INPP5B: variants seen among roughly 807,000 people sequenced by gnomAD.
The protein encoded by INPP5B is inositol polyphosphate-5-phosphatase B, also known as type II inositol 1,4,5-trisphosphate 5-phosphatase.
Under a neutral mutation model 118.5 loss-of-function variants are expected in INPP5B, and 90 were observed. The observed-to-expected ratio is 0.76, with a 90% CI of 0.64 to 0.90. INPP5B has a LOEUF of 0.90. Among genes scored for constraint, INPP5B ranks in the 40% least tolerant of loss-of-function variants. The pLI is 0.00. For synonymous variants in INPP5B, 385 were observed against 418.9 expected (o/e 0.92, Z 0.99); for missense variants, 984 against 1,125.6 (o/e 0.87, Z 1.80).
chr1:37,908,594 AAAAG>A (rs1001966010), intron 7 of INPP5B, among the ~76,000 whole-genome samples: 1 of 152,114 alleles, frequency 6.6e-6, no homozygotes, highest in African/African-American at 2.4e-5. Context: ...AAAAAAAAAA[AAAAG>A]AGACAAGGAG....
intron 18 of INPP5B, chr1:37,873,431 A>G (rs1642593788): frequency 2.2e-6 from 1 of 456,234 alleles, no homozygotes; most frequent in African/African-American, 2.0e-5. Flanking sequence ...GCACAGCTCA[A>G]GCTAGAAATA....
In INPP5B at chr1:37,941,749, T is replaced by C. The variant is rs1412914639; in HGVS notation, c.281-951A>G. 5.6e-5 allele frequency among the ~76,000 whole-genome samples: 8 copies of C among 142,874 alleles called. No homozygotes were observed. The East Asian group carries it at 6.4e-4, about 11-fold the overall frequency. 93.7% of individuals were successfully genotyped at this position (142,874 alleles called of 152,430 possible). A position where few individuals can be genotyped will look rare whatever the true frequency, so the allele number is the denominator to read the frequency against. ...GTCAGGAGATCGAGACCATCCTGGC[T>C]AACACGGTGAAACCCCGTCTCTACT... is the stretch of plus-strand genomic sequence containing the variant. On this transcript the variant is annotated intron_variant, in intron 5 of 23. Transcript: ENST00000373024.
Position 37,943,888 on chromosome 1 carries a change from A to G in INPP5B, c.158T>C (p.Phe53Ser), listed in dbSNP as rs1646027198. The change falls in exon 4 of 24, where the codon TTC becomes TCC. Residue 53 changes from phenylalanine (F) to serine (S), a missense_variant. This residue lies in a region of INPP5B where 350 missense variants were observed against 334.6 expected (regional missense o/e 1.05). Coordinates refer to ENST00000373024, the MANE Select transcript of INPP5B (RefSeq NM_005540.3). ...GGCCATCCTCCGGTGCGTATAGAGGAAGAGACTAAGGGCAGGAAGCAGAGG... is the reference window on the plus strand; with the variant it reads ...GGCCATCCTCCGGTGCGTATAGAGGGAGAGACTAAGGGCAGGAAGCAGAGG... ...LEHGGQEHAL[F>S]LYTHRRMAIT... is the part of the protein sequence containing the mutation. The G allele has an allele frequency of 6.2e-7, 1 of 1,612,892 alleles. No individual in the cohort carries two copies. Among genetic ancestry groups the G allele is most frequent in the African/African-American group, 1.3e-5 (1 of 74,964 alleles).
chr1:37,941,478 C>G (rs1645906902), intron 5 of INPP5B, among the ~76,000 whole-genome samples: 1 of 151,510 alleles, frequency 6.6e-6, no homozygotes, highest in South Asian at 2.1e-4. Context: ...TGAGACACCA[C>G]CCCCCGCCAC....
rs1643100114 is a variant in INPP5B at position 37,880,087 on chromosome 1, G to A, written c.1539C>T (p.Thr513=). The change falls in exon 15 of 24, where the codon ACC becomes ACT. Residue 513 remains threonine (T), a splice_region_variant and synonymous_variant. Coordinates refer to ENST00000373024, the MANE Select transcript of INPP5B (RefSeq NM_005540.3). ...KYDTGSDDWD[T]SEKCRAPAWC... is the part of the protein sequence containing the mutation. ...CTTTGAAGCAACCTCTGACCTACCT[G>A]GTATCCCAGTCGTCAGAGCCCGTAT... 1 of 1,601,352 alleles carries A rather than the reference G, an allele frequency of 6.2e-7. No individual in the cohort carries two copies. The highest frequency in any genetic ancestry group is 8.5e-7 in the Non-Finnish European group (1 of 1,170,380).
intron 6 of INPP5B, among the ~76,000 whole-genome samples, chr1:37,939,126 G>A (rs532806064): frequency 1.1e-4 from 16 of 151,450 alleles, no homozygotes; most frequent in Admixed American, 4.0e-4. Context: ...CCCAGGAGGC[G>A]GAGGTTGCAG....
chr1:37,872,763 A>G (rs570785937), intron 19 of INPP5B, among the ~76,000 whole-genome samples, 167 bp downstream of exon 19: 1 of 151,962 alleles, frequency 6.6e-6, no homozygotes, highest in South Asian at 2.1e-4. Context: ...AAAACTACTA[A>G]AATTTCAGGA....
intron 7 of INPP5B, among the ~76,000 whole-genome samples, chr1:37,897,687 C>A (rs1644172790): frequency 6.6e-6 from 1 of 151,012 alleles, no homozygotes; most frequent in African/African-American, 2.4e-5. Context: ...GTCCTGTGAC[C>A]CTGCCAAATC....
chr1:37,931,298 C>T (rs1333416660), intron 7 of INPP5B: 1 of 599,346 alleles, frequency 1.7e-6, no homozygotes, highest in African/African-American at 1.9e-5. Flanking sequence ...AGGCAGGGCA[C>T]CACTCCCCCA....
At chr1:37,873,285 C>A in intron 18 of INPP5B, 120 bp from the exon 19 acceptor site, 1 of 699,208 alleles carries the variant, frequency 1.4e-6, no homozygotes, top group Non-Finnish European at 2.5e-6. Context: ...AAGGTATCAG[C>A]CAACCAACAA....
chr1:37,938,295 A>C (rs28474373), intron 6 of INPP5B, among the ~76,000 whole-genome samples: 21 of 151,124 alleles, frequency 1.4e-4, no homozygotes, highest in Non-Finnish European at 2.2e-4. Context: ...ATAAATAAAT[A>C]AATAAATAAA....
At position 37,862,376 on chromosome 1, in the gene INPP5B, T is replaced by G. The variant is rs191075425; in HGVS notation, c.2681A>C (p.Asp894Ala). 6.2e-7 allele frequency: 1 copy of G among 1,614,044 alleles called. No homozygotes were observed. Among genetic ancestry groups the G allele is most frequent in the Admixed American group, 1.7e-5 (1 of 60,004 alleles). ...TTGAGCCTTCTTCTTCTCTGTCATA[T>G]CAAGCTTTTGGTGACCAGCTGGGTT... is the stretch of plus-strand genomic sequence containing the variant. Reference protein sequence around the residue: ...LRNPAGHQKLDMTEKKKAQEF... With the variant: ...LRNPAGHQKLAMTEKKKAQEF... Residue 894 changes from aspartate to alanine, a missense_variant, in exon 24 of 24, where the codon GAT (aspartate) becomes GCT (alanine). Coordinates refer to ENST00000373024, the MANE Select transcript of INPP5B (RefSeq NM_005540.3).
At chr1:37,897,432 AC>A (rs758839088) in intron 7 of INPP5B, among the ~76,000 whole-genome samples, 13 of 151,438 alleles carry the variant, frequency 8.6e-5, no homozygotes, top group Non-Finnish European at 1.8e-4. Flanking sequence ...CGGTGACCTT[AC>A]CCCCAACCCT....
At position 37,907,979 on chromosome 1, in the gene INPP5B, C is replaced by T. The variant is rs1275814402; in HGVS notation, c.533-16525G>A. On this transcript the variant is annotated intron_variant, in intron 7 of 23. Coordinates refer to ENST00000373024, the MANE Select transcript of INPP5B (RefSeq NM_005540.3). The surrounding 1 kb of genome is among the most constrained non-coding windows in gnomAD (Gnocchi z 4.3). Reference sequence around the variant, plus strand: ...TTCCTGCCCCACCCTAAGTGATAGGCTATGTTCTCCCCCGCCCTTAAGAAG... The same window carrying T: ...TTCCTGCCCCACCCTAAGTGATAGGTTATGTTCTCCCCCGCCCTTAAGAAG... 1.3e-5 allele frequency among the ~76,000 whole-genome samples: 2 copies of T among 152,138 alleles called. No individual in the cohort carries two copies. The highest frequency in any genetic ancestry group is 4.8e-5 in the African/African-American group (2 of 41,422).
chr1:37,921,876 G>A (rs2148635447), intron 7 of INPP5B, among the ~76,000 whole-genome samples: 1 of 152,000 alleles, frequency 6.6e-6, no homozygotes, highest in East Asian at 1.9e-4. Context: ...GCGTGGTGGC[G>A]GGCACCTGTA....
intron 7 of INPP5B, among the ~76,000 whole-genome samples, chr1:37,916,920 C>T (rs1644884413): frequency 6.6e-6 from 1 of 151,888 alleles, no homozygotes; most frequent in Non-Finnish European, 1.5e-5. Context: ...AGCCCTAGAC[C>T]AGTACTGTCC....
rs1230969729 is a variant in INPP5B, at chr1:37,878,588, G to C, written c.1542-265C>G. On this transcript the variant is annotated intron_variant, in intron 15 of 23. Coordinates refer to ENST00000373024, the MANE Select transcript of INPP5B (RefSeq NM_005540.3). ...TTATCCTCCTATGAGAATCAGGAGAGAATTAAAAAACCAATCTGACAGTAA... is the reference window on the plus strand; with the variant it reads ...TTATCCTCCTATGAGAATCAGGAGACAATTAAAAAACCAATCTGACAGTAA... The C allele has an allele frequency of 5.6e-6, 4 of 711,242 alleles. No individual in the cohort carries two copies. In the African/African-American group the frequency reaches 7.7e-5, roughly 14 times the overall value. The allele number at this position is 711,242 out of a possible 1,614,324, so 44.1% of individuals were successfully genotyped here. A position where few individuals can be genotyped will look rare whatever the true frequency, so the allele number is the denominator to read the frequency against.
chr1:37,866,406 T>TCACACAAACACA, intron 21 of INPP5B, 53 bp downstream of exon 21: 1 of 402,472 alleles, frequency 2.5e-6, no homozygotes, highest in Non-Finnish European at 4.2e-6. Context: ...TCTCTCTCTC[T>TCACACAAACACA]CACACACACA....
chr1:37,911,332 G>T (rs1644690894), intron 7 of INPP5B, among the ~76,000 whole-genome samples: 1 of 152,036 alleles, frequency 6.6e-6, no homozygotes, highest in South Asian at 2.1e-4. Flanking sequence ...TATTGTTCCT[G>T]GCCCAGACTT....
Sources: gnomAD v4.1 joint callset for allele counts (sites outside exome capture counted in the v4.1 genomes callset) on GRCh38, gnomAD v4.1.1 for gene constraint, gnomAD v4.1.1 regional missense constraint, Gnocchi (gnomAD v3.1) non-coding constraint, MANE v1.5 for transcripts, NCBI Gene and HGNC (gene_info 2026-07-23, HGNC 2026-07-21) for gene names.